Variants in IPO11 observed in about 807,000 individuals in gnomAD.
The protein encoded by IPO11 is importin-11.
In IPO11, 66 loss-of-function variants were observed where a neutral mutation model predicts 143.2. That is an observed-to-expected ratio of 0.46 (90% confidence interval 0.38 to 0.57). The LOEUF is 0.57. Among genes scored for constraint, IPO11 ranks in the 20% least tolerant of loss-of-function variants. The pLI is 0.00. For missense variants in IPO11, 1,026 were observed against 1,141.0 expected, an observed-to-expected ratio of 0.90 and a Z score of 1.45; for synonymous variants, 385 against 377.8, an observed-to-expected ratio of 1.02 and a Z score of -0.22.
intron 27 of IPO11, among the ~76,000 whole-genome samples, chr5:62,566,748 A>T (rs1202558526): frequency 6.6e-6 from 1 of 152,110 alleles, no homozygotes; most frequent in African/African-American, 2.4e-5. Context: ...AAAAAAAAAA[A>T]AAAAAGGTTT....
chr5:62,423,672 C>T (rs909258518), intron 1 of IPO11, among the ~76,000 whole-genome samples: 4 of 152,196 alleles, frequency 2.6e-5, no homozygotes, highest in African/African-American at 9.6e-5. Flanking sequence ...TTCGTCTTAC[C>T]TCCCACATAC....
intron 9 of IPO11, among the ~76,000 whole-genome samples, chr5:62,482,883 A>G (rs562967397): frequency 6.6e-6 from 1 of 152,138 alleles, no homozygotes. Flanking sequence ...ATTGAAAATA[A>G]TAGAAAGTTC....
chr5:62,546,207 A>T (rs1259912739), intron 24 of IPO11, among the ~76,000 whole-genome samples: 1 of 152,254 alleles, frequency 6.6e-6, no homozygotes, highest in Non-Finnish European at 1.5e-5. Flanking sequence ...CCAAATGTCC[A>T]TCTATGATAG....
intron 20 of IPO11, among the ~76,000 whole-genome samples, chr5:62,523,963 T>TCC (rs1215559733): frequency 2.0e-5 from 3 of 152,150 alleles, no homozygotes; most frequent in Non-Finnish European, 4.4e-5. Context: ...GTTTGAAAGA[T>TCC]TGTATAGAGA....
intron 21 of IPO11, chr5:62,526,465 T>C (rs138121853): frequency 6.0e-5 from 23 of 382,042 alleles, no homozygotes; most frequent in African/African-American, 4.1e-4. Context: ...GACATTTCAA[T>C]AGGAACTCAG....
At chr5:62,425,066 T>A (rs1183329802) in intron 1 of IPO11, among the ~76,000 whole-genome samples, 2 of 152,134 alleles carry the variant, frequency 1.3e-5, no homozygotes, top group Non-Finnish European at 2.9e-5. Flanking sequence ...TTGTTTTGAA[T>A]CTCATCTTTC....
In IPO11 at chr5:62,418,773, A is replaced by G. The variant is rs1270953433; in HGVS notation, c.-7+5844A>G. On this transcript the variant is annotated intron_variant, in intron 1 of 29. Coordinates refer to ENST00000325324, the MANE Select transcript of IPO11 (RefSeq NM_016338.5). ...ACATTTTATACATATTTCACTAAAG[A>G]TGTTCACGTATTGTCTCCAAGTCTC... The G allele has an allele frequency of 1.1e-5, 4 of 358,666 alleles. 1 individual carries two copies. The highest frequency in any genetic ancestry group is 8.6e-5 in the Admixed American group (2 of 23,288). The allele number at this position is 358,666 out of a possible 1,614,324, so 22.2% of individuals were successfully genotyped here.
chr5:62,493,572 CTTT>C (rs774338851), intron 15 of IPO11, among the ~76,000 whole-genome samples: 2 of 142,680 alleles, frequency 1.4e-5, no homozygotes, highest in African/African-American at 2.6e-5. Context: ...AGGCTTTAAG[CTTT>C]TTTTTTTTTT....
intron 27 of IPO11, chr5:62,581,150 G>C: frequency 6.4e-7 from 1 of 1,550,940 alleles, no homozygotes; most frequent in Non-Finnish European, 8.7e-7. Context: ...GAATACTACA[G>C]CTTTTATCAG....
chr5:62,504,045 T>A (rs1444059407), intron 16 of IPO11, among the ~76,000 whole-genome samples: 1 of 152,218 alleles, frequency 6.6e-6, no homozygotes, highest in East Asian at 1.9e-4. Flanking sequence ...AAGTCTGCGA[T>A]AACACTTGAA....
At chr5:62,476,925 A>G (rs907386601) in intron 9 of IPO11, among the ~76,000 whole-genome samples, 172 bp downstream of exon 9, 1 of 152,216 alleles carries the variant, frequency 6.6e-6, no homozygotes. Context: ...AATGCATATA[A>G]TAATTAAATT....
chr5:62,537,402 A>G, intron 24 of IPO11, 113 bp downstream of exon 24: 1 of 700,416 alleles, frequency 1.4e-6, no homozygotes, highest in Non-Finnish European at 2.4e-6. Context: ...ATAGTTCTAG[A>G]CAGGCTATTT....
intron 20 of IPO11, among the ~76,000 whole-genome samples, chr5:62,517,414 T>C (rs1229631451): frequency 6.6e-6 from 1 of 152,168 alleles, no homozygotes; most frequent in Non-Finnish European, 1.5e-5. Context: ...TTTGTTTTCG[T>C]TTTTTGAGAC....
chr5:62,478,271 T>A (rs917868905), intron 9 of IPO11, among the ~76,000 whole-genome samples: 2 of 152,162 alleles, frequency 1.3e-5, no homozygotes, highest in Admixed American at 1.3e-4. Context: ...GCTCAAGTGA[T>A]CCTTCCACCT....
intron 5 of IPO11, among the ~76,000 whole-genome samples, chr5:62,464,364 C>T (rs1489083678): frequency 1.3e-5 from 2 of 151,988 alleles, no homozygotes; most frequent in Non-Finnish European, 2.9e-5. Context: ...TGGTCTCGAT[C>T]TTTTGACCTT....
chr5:62,476,694 G>C lies in IPO11; in HGVS notation c.769G>C (p.Gly257Arg), dbSNP rs771587001. ...KQFLECSRSI[G>R]TDNVCRDRLE... ...TGTATTTTTAACAGGTAGAAGTATAGGTACAGATAATGTGTGTAGAGATAG... is the reference window on the plus strand; with the variant it reads ...TGTATTTTTAACAGGTAGAAGTATACGTACAGATAATGTGTGTAGAGATAG... The change falls in exon 9 of 30, where the codon GGT becomes CGT. Residue 257 changes from glycine (G) to arginine (R), a missense_variant. Transcript: ENST00000325324. 2.0e-6 allele frequency: 3 copies of C among 1,518,782 alleles called. No individual in the cohort carries two copies. The highest frequency in any genetic ancestry group is 2.6e-5 in the South Asian group (2 of 76,336). 94.1% of individuals were successfully genotyped at this position (1,518,782 alleles called of 1,614,324 possible). A position where few individuals can be genotyped will look rare whatever the true frequency, so the allele number is the denominator to read the frequency against.
chr5:62,487,939 C>A, intron 13 of IPO11, 78 bp downstream of exon 13: 1 of 1,167,812 alleles, frequency 8.6e-7, no homozygotes, highest in Non-Finnish European at 1.2e-6. Flanking sequence ...GCCTACAATG[C>A]ATACTGTACT....
At chr5:62,507,290 A>G (rs561364782) in intron 19 of IPO11, among the ~76,000 whole-genome samples, 1 of 152,324 alleles carries the variant, frequency 6.6e-6, no homozygotes, top group South Asian at 2.1e-4. Context: ...ACTGTTAATC[A>G]TTTGAAACAG....
chr5:62,616,059 G>C lies in IPO11; in HGVS notation c.2764-11095G>C, dbSNP rs1746119232. Among the ~76,000 whole-genome samples, 3 of 140,676 alleles carry C rather than the reference G, an allele frequency of 2.1e-5. No homozygotes were observed. The Admixed American group carries it at 2.2e-4, about 10-fold the overall frequency. 92.3% of individuals were successfully genotyped at this position (140,676 alleles called of 152,430 possible). On this transcript the variant is annotated intron_variant, in intron 29 of 29. Transcript: ENST00000325324. ...AGTGGAAGATGGGGTGGAGGGGGAG[G>C]TGGGGGAGGAAGGGGGGTGGCAGTG...
Sources: allele counts gnomAD v4.1 joint callset (sites outside exome capture counted in the v4.1 genomes callset), GRCh38; gene constraint gnomAD v4.1.1; transcripts MANE v1.5; gene names NCBI Gene and HGNC (gene_info 2026-07-23, HGNC 2026-07-21).